NT5C2: variants seen among roughly 807,000 people sequenced by gnomAD.
The protein encoded by NT5C2 is 5'-nucleotidase, cytosolic II.
In NT5C2, 58 loss-of-function variants were observed where a neutral mutation model predicts 76.1. The ratio of observed to expected loss-of-function variants is 0.76; its 90% confidence interval spans 0.62 to 0.95. The LOEUF (loss-of-function observed/expected upper bound fraction) is 0.95. Ranked by LOEUF, NT5C2 falls within the 40% of genes least tolerant of loss-of-function variation. The pLI is 0.00. For synonymous variants in NT5C2, 229 were observed against 237.4 expected (o/e 0.96, Z 0.32); for missense variants, 478 against 690.3 (o/e 0.69, Z 3.45).
chr10:103,139,403 C>T lies in NT5C2; in HGVS notation c.175+3G>A, dbSNP rs2079950572. Reference sequence around the variant, plus strand: ...TCTTAAGCAATCAGAAATTGCTACTCACCAGCAAGGGTATAATCCATATCA... The same window carrying T: ...TCTTAAGCAATCAGAAATTGCTACTTACCAGCAAGGGTATAATCCATATCA... On this transcript the variant is annotated splice_donor_region_variant and intron_variant, in intron 4 of 18. Transcript: ENST00000404739. 4 of 1,567,694 alleles carry T rather than the reference C, an allele frequency of 2.6e-6. No homozygotes were observed. In the South Asian group the frequency reaches 4.7e-5, roughly 18 times the overall value.
Position 103,106,584 on chromosome 10 carries a change from A to G in NT5C2, c.293+5T>C, listed in dbSNP as rs756770544. On this transcript the variant is annotated splice_donor_5th_base_variant and intron_variant, in intron 5 of 18. Transcript: ENST00000404739. ...TCTTAATCCAAAAATATCTTTAAAAATTACCTGGTAGGGAATGTAGAATCA... is the reference window on the plus strand; with the variant it reads ...TCTTAATCCAAAAATATCTTTAAAAGTTACCTGGTAGGGAATGTAGAATCA... The G allele has an allele frequency of 6.4e-7, 1 of 1,571,538 alleles. No individual in the cohort carries two copies. Among genetic ancestry groups the G allele is most frequent in the Non-Finnish European group, 8.8e-7 (1 of 1,141,666 alleles).
At chr10:103,149,319 C>T (rs1413358277) in intron 3 of NT5C2, among the ~76,000 whole-genome samples, 1 of 152,124 alleles carries the variant, frequency 6.6e-6, no homozygotes, top group Non-Finnish European at 1.5e-5. Context: ...ACTCTCTTTC[C>T]AGCAAAGATT....
chr10:103,175,065 T>C (rs756237798), intron 2 of NT5C2, 83 bp from the exon 3 acceptor site: 4 of 757,202 alleles, frequency 5.3e-6, no homozygotes, highest in Non-Finnish European at 8.8e-6. Context: ...TCAGAAAAAC[T>C]CCAGCTTGCA....
At position 103,158,818 on chromosome 10, in the gene NT5C2, A is replaced by T. The variant is rs566462719; in HGVS notation, c.101+16040T>A. Reference sequence around the variant, plus strand: ...GGGTGACAGAGCGAGACTCTTATCTAAAAAAAAAAAAAAAAGAAGAATAAA... The same window carrying T: ...GGGTGACAGAGCGAGACTCTTATCTTAAAAAAAAAAAAAAAGAAGAATAAA... On this transcript the variant is annotated intron_variant, in intron 3 of 18. Transcript: ENST00000404739. Among the ~76,000 whole-genome samples, 49 of 67,974 alleles carry T rather than the reference A, an allele frequency of 7.2e-4. No homozygotes were observed. In the East Asian group the frequency reaches 0.019, roughly 27 times the overall value. 44.6% of individuals were successfully genotyped at this position (67,974 alleles called of 152,430 possible). A position where few individuals can be genotyped will look rare whatever the true frequency, so the allele number is the denominator to read the frequency against.
chr10:103,124,872 T>TTAA (rs71019658), intron 4 of NT5C2: 60,375 of 147,580 alleles, frequency 0.41, 12,524 homozygotes, highest in East Asian at 0.55. Context: ...AATATATAAT[T>TTAA]TAATAATTAA....
chr10:103,142,986 CAAAAAAAA>C, intron 3 of NT5C2, among the ~76,000 whole-genome samples: 1 of 50,386 alleles, frequency 2.0e-5, no homozygotes, highest in East Asian at 4.7e-4. Context: ...AAGATTCCAT[CAAAAAAAA>C]AAAAAAAAAG....
chr10:103,122,789 A>G (rs180888749), intron 4 of NT5C2, among the ~76,000 whole-genome samples: 3 of 152,326 alleles, frequency 2.0e-5, no homozygotes, highest in African/African-American at 7.2e-5. Flanking sequence ...GGGACGCAGC[A>G]AAGAATCTGA....
intron 1 of NT5C2, among the ~76,000 whole-genome samples, chr10:103,185,610 G>A (rs2091910429): frequency 7.3e-6 from 1 of 137,016 alleles, no homozygotes; most frequent in Non-Finnish European, 1.5e-5. Context: ...TCGCACCACT[G>A]CACACTCCAG....
intron 3 of NT5C2, among the ~76,000 whole-genome samples, chr10:103,159,938 G>C (rs969672874): frequency 6.6e-6 from 1 of 152,068 alleles, no homozygotes; most frequent in Non-Finnish European, 1.5e-5. Flanking sequence ...ATATAGAAGG[G>C]CACCAGAATA....
intron 3 of NT5C2, among the ~76,000 whole-genome samples, chr10:103,169,786 G>T (rs1300185776): frequency 6.6e-6 from 1 of 151,940 alleles, no homozygotes; most frequent in Non-Finnish European, 1.5e-5. Context: ...ATCAAAACCA[G>T]CTTGGACAAC....
chr10:103,099,088 T>G, intron 9 of NT5C2, 104 bp from the exon 10 acceptor site: 2 of 906,590 alleles, frequency 2.2e-6, no homozygotes, highest in Non-Finnish European at 3.5e-6. Context: ...ATCCTTTCTT[T>G]TTTTGAGACA....
intron 1 of NT5C2, among the ~76,000 whole-genome samples, chr10:103,183,636 A>T (rs1294060190): frequency 6.7e-6 from 1 of 150,064 alleles, no homozygotes; most frequent in African/African-American, 2.5e-5. Flanking sequence ...ATATATATAC[A>T]TATACATACA....
intron 1 of NT5C2, among the ~76,000 whole-genome samples, chr10:103,187,781 T>C (rs1370527352): frequency 2.0e-5 from 3 of 152,162 alleles, no homozygotes; most frequent in African/African-American, 7.2e-5. Flanking sequence ...TAGATTCTAA[T>C]ATGACTGCTA....
At chr10:103,164,075 C>T (rs769208817) in intron 3 of NT5C2, among the ~76,000 whole-genome samples, 14 of 151,734 alleles carry the variant, frequency 9.2e-5, no homozygotes, top group South Asian at 6.3e-4. Context: ...CCTATCTCTA[C>T]GAAAAATAAA....
chr10:103,172,810 G>A (rs1207898319), intron 3 of NT5C2, among the ~76,000 whole-genome samples: 2 of 151,986 alleles, frequency 1.3e-5, no homozygotes, highest in African/African-American at 4.8e-5. Flanking sequence ...ATTCCAGCCT[G>A]GGCGACAGAA....
chr10:103,147,502 T>C (rs2133510462), intron 3 of NT5C2, among the ~76,000 whole-genome samples: 1 of 152,326 alleles, frequency 6.6e-6, no homozygotes, highest in East Asian at 1.9e-4. Flanking sequence ...GTGACAGTAA[T>C]GTCTCTGGGT....
chr10:103,126,285 G>A (rs1462265980), intron 4 of NT5C2, among the ~76,000 whole-genome samples: 1 of 152,162 alleles, frequency 6.6e-6, no homozygotes, highest in East Asian at 1.9e-4. Flanking sequence ...AAGTAATTTG[G>A]GGTGAAAGAG....
intron 6 of NT5C2, 178 bp downstream of exon 6, chr10:103,105,528 A>G (rs2071014927): frequency 1.8e-6 from 1 of 558,598 alleles, no homozygotes; most frequent in Non-Finnish European, 3.1e-6. Flanking sequence ...ATTGCTAACT[A>G]TATGTCAGTT....
intron 4 of NT5C2, among the ~76,000 whole-genome samples, chr10:103,127,265 C>A (rs2076840658): frequency 6.6e-6 from 1 of 152,142 alleles, no homozygotes; most frequent in Non-Finnish European, 1.5e-5. Context: ...AGGATTAATA[C>A]TGATTTAGGT....
Sources: allele counts gnomAD v4.1 joint callset (sites outside exome capture counted in the v4.1 genomes callset), GRCh38; gene constraint gnomAD v4.1.1; transcripts MANE v1.5; gene names NCBI Gene and HGNC (gene_info 2026-07-23, HGNC 2026-07-21).